ATP10A: variants seen among roughly 807,000 people sequenced by gnomAD.
ATP10A encodes phospholipid-transporting ATPase VA.
A neutral mutation model predicts 147.8 loss-of-function variants in ATP10A; 111 were observed. The ratio of observed to expected loss-of-function variants is 0.75; its 90% CI spans 0.64 to 0.88. The LOEUF is 0.88. Ranked by LOEUF, ATP10A falls within the 40% of genes least tolerant of loss-of-function variation. The pLI, the probability that ATP10A is intolerant of heterozygous loss-of-function variation, is 0.00. For synonymous variants in ATP10A, 875 were observed against 841.6 expected, an observed-to-expected ratio of 1.04 and a Z score of -0.69; for missense variants, 1,927 against 1,959.0, an observed-to-expected ratio of 0.98 and a Z score of 0.31.
At chr15:25,849,845 C>CA (rs111862725) in intron 1 of ATP10A, among the ~76,000 whole-genome samples, 13,093 of 142,784 alleles carry the variant, frequency 0.092, 1,051 homozygotes, top group African/African-American at 0.22. Context: ...ATTTTCTTTC[C>CA]AAAAAAAAAA....
intron 7 of ATP10A, among the ~76,000 whole-genome samples, chr15:25,720,884 C>T (rs145888692): frequency 6.6e-6 from 1 of 152,292 alleles, no homozygotes; most frequent in East Asian, 1.9e-4. Context: ...CTAGTCATGC[C>T]CGCTTGCGTT....
intron 4 of ATP10A, among the ~76,000 whole-genome samples, chr15:25,726,897 C>A (rs1042399792): frequency 2.4e-4 from 34 of 140,540 alleles, no homozygotes; most frequent in African/African-American, 5.8e-4. Context: ...TAAAAAAATA[C>A]AAAAAAAAAA....
At chr15:25,823,308 T>C (rs1891967452) in intron 1 of ATP10A, among the ~76,000 whole-genome samples, 1 of 152,206 alleles carries the variant, frequency 6.6e-6, no homozygotes, top group Admixed American at 6.5e-5. Context: ...GTTCAACTCT[T>C]ATAGATCATG....
Position 25,718,407 on chromosome 15 carries a change from G to A in ATP10A, c.1364-8C>T, listed in dbSNP as rs766152224. 6.9e-6 allele frequency: 11 copies of A among 1,582,838 alleles called. No homozygotes were observed. In the South Asian group the frequency reaches 1.3e-4, roughly 18 times the overall value. ...ACCTGGCCAGACGCTGCGCTGCGGG[G>A]AGAGGGCGCAGGGTGAGGCATCATG... On this transcript the variant is annotated splice_region_variant and splice_polypyrimidine_tract_variant and intron_variant, in intron 7 of 20. Coordinates refer to ENST00000555815, the MANE Select transcript of ATP10A (RefSeq NM_024490.4).
At chr15:25,724,132 G>A (rs771136404) in intron 5 of ATP10A, 111 bp from the exon 6 acceptor site, 164 of 1,194,734 alleles carry the variant, frequency 1.4e-4, no homozygotes, top group Middle Eastern at 5.5e-4. Flanking sequence ...AAGCACATTT[G>A]GTTTTCTTAC....
At position 25,680,196 on chromosome 15, in the gene ATP10A, G is replaced by C; in HGVS notation, c.3791C>G (p.Thr1264Ser). Residue 1264 changes from threonine to serine, a missense_variant, in exon 20 of 21, where the codon ACT becomes AGT. Thr to Ser is a moderately conservative substitution (Grantham distance 58, BLOSUM62 1). Transcript: ENST00000555815. ...TCYPPSNPYWTMQALLGDPVF... is the reference protein window; with the variant it reads ...TCYPPSNPYWSMQALLGDPVF... Reference sequence around the variant, plus strand: ...TGGGTCACCCAGTAAGGCTTGCATAGTCCAGTAAGGGTTGGACGGAGGATA... The same window carrying C: ...TGGGTCACCCAGTAAGGCTTGCATACTCCAGTAAGGGTTGGACGGAGGATA... 1 of 1,614,152 alleles carries C rather than the reference G, an allele frequency of 6.2e-7. No homozygotes were observed.
intron 1 of ATP10A, among the ~76,000 whole-genome samples, chr15:25,829,679 GCC>G (rs1892269679): frequency 6.6e-6 from 1 of 152,152 alleles, no homozygotes; most frequent in Admixed American, 6.5e-5. Flanking sequence ...TGGGAAAGGT[GCC>G]TGAACTAGGC....
At chr15:25,688,883 T>C (rs1899852418) in intron 15 of ATP10A, among the ~76,000 whole-genome samples, 1 of 152,250 alleles carries the variant, frequency 6.6e-6, no homozygotes, top group African/African-American at 2.4e-5. Flanking sequence ...TGTTCTGTAA[T>C]GCTTTACCCA....
rs890802470 is a variant in ATP10A, at chr15:25,839,163, G to A, written c.449+23485C>T. On this transcript the variant is annotated intron_variant, in intron 1 of 20. Coordinates refer to ENST00000555815, the MANE Select transcript of ATP10A (RefSeq NM_024490.4). ...CAGTTTAAACTCCAGTGTCACAGGTGAAGGGCTGTGATATTCCCAGGATCA... is the reference window on the plus strand; with the variant it reads ...CAGTTTAAACTCCAGTGTCACAGGTAAAGGGCTGTGATATTCCCAGGATCA... 4.6e-5 allele frequency among the ~76,000 whole-genome samples: 7 copies of A among 152,204 alleles called. No homozygotes were observed. The East Asian group carries it at 1.3e-3, about 29-fold the overall frequency.
At chr15:25,761,727 A>T (rs917267955) in intron 2 of ATP10A, among the ~76,000 whole-genome samples, 3 of 152,212 alleles carry the variant, frequency 2.0e-5, no homozygotes, top group African/African-American at 7.2e-5. Context: ...TCCCATTTGG[A>T]ATGGCTATAT....
At chr15:25,793,788 A>G (rs1416144156) in intron 1 of ATP10A, among the ~76,000 whole-genome samples, 1 of 152,210 alleles carries the variant, frequency 6.6e-6, no homozygotes, top group Admixed American at 6.5e-5. Context: ...CTGGGGAACC[A>G]GGGCATCCAG....
At chr15:25,822,889 C>T (rs78615438) in intron 1 of ATP10A, among the ~76,000 whole-genome samples, 2,843 of 152,088 alleles carry the variant, frequency 0.019, 118 homozygotes, top group East Asian at 0.14. Context: ...AGCTAGATTC[C>T]TATGTAATAT....
At chr15:25,691,203 G>C (rs1437279246) in intron 15 of ATP10A, among the ~76,000 whole-genome samples, 1 of 152,194 alleles carries the variant, frequency 6.6e-6, no homozygotes, top group Non-Finnish European at 1.5e-5. Flanking sequence ...CACATTTTTA[G>C]TTAAGTCATT....
chr15:25,780,207 G>C (rs1189269677), intron 2 of ATP10A, among the ~76,000 whole-genome samples: 1 of 152,270 alleles, frequency 6.6e-6, no homozygotes, highest in African/African-American at 2.4e-5. Context: ...GTCTGATAGA[G>C]GAGGAAAAGC....
At chr15:25,826,525 G>A (rs1201973493) in intron 1 of ATP10A, among the ~76,000 whole-genome samples, 1 of 152,168 alleles carries the variant, frequency 6.6e-6, no homozygotes, top group Non-Finnish European at 1.5e-5. Context: ...TTGCACCACC[G>A]CACTCCAGCC....
At chr15:25,778,885 T>C (rs1275711146) in intron 2 of ATP10A, among the ~76,000 whole-genome samples, 1 of 152,124 alleles carries the variant, frequency 6.6e-6, no homozygotes, top group Non-Finnish European at 1.5e-5. Flanking sequence ...AGTTCTTCTT[T>C]ATTTTTTTTG....
At chr15:25,842,687 T>C (rs1892859148) in intron 1 of ATP10A, among the ~76,000 whole-genome samples, 1 of 152,106 alleles carries the variant, frequency 6.6e-6, no homozygotes, top group South Asian at 2.1e-4. Context: ...TCTGATTGTA[T>C]AGATAGGTAA....
intron 2 of ATP10A, among the ~76,000 whole-genome samples, chr15:25,744,648 T>C (rs1482411207): frequency 6.6e-6 from 1 of 152,194 alleles, no homozygotes; most frequent in Non-Finnish European, 1.5e-5. Context: ...AGAGCCCACA[T>C]GAAATTTTCA....
At chr15:25,824,590 A>T (rs1216231804) in intron 1 of ATP10A, among the ~76,000 whole-genome samples, 1 of 147,644 alleles carries the variant, frequency 6.8e-6, no homozygotes. Flanking sequence ...TTAACGAAAC[A>T]CATTTAATAT....
Sources: gnomAD v4.1 joint callset for allele counts (sites outside exome capture counted in the v4.1 genomes callset) on GRCh38, gnomAD v4.1.1 for gene constraint, MANE v1.5 for transcripts, NCBI Gene and HGNC (gene_info 2026-07-23, HGNC 2026-07-21) for gene names.